The following NELL1 variants were observed in gnomAD, a reference collection of about 807,000 sequenced individuals.
The protein encoded by NELL1 is neural EGFL like 1.
A neutral mutation model predicts 107.4 loss-of-function variants in NELL1; 76 were observed. That is an observed-to-expected ratio of 0.71 (90% CI 0.59 to 0.86). The LOEUF is 0.86. Among genes scored for constraint, NELL1 ranks in the 40% least tolerant of loss-of-function variants. The probability of loss-of-function intolerance (pLI) is 0.00; values close to 1 mark genes in which losing one functional copy is unlikely to be tolerated. For synonymous variants in NELL1, 353 were observed against 341.2 expected (o/e 1.03, Z -0.38); for missense variants, 1,024 against 1,005.5 (o/e 1.02, Z -0.25).
At chr11:20,851,567 C>T (rs1220372699) in intron 4 of NELL1, among the ~76,000 whole-genome samples, 1 of 152,132 alleles carries the variant, frequency 6.6e-6, no homozygotes, top group Non-Finnish European at 1.5e-5. Context: ...CACTTTACAG[C>T]CTGTCTCTAT....
intron 12 of NELL1, among the ~76,000 whole-genome samples, chr11:20,985,711 T>C (rs1348125754): frequency 6.6e-6 from 1 of 152,202 alleles, no homozygotes; most frequent in Non-Finnish European, 1.5e-5. Flanking sequence ...AATAAACCCA[T>C]GCTAGTTTAG....
At chr11:20,698,767 T>C (rs1336684597) in intron 2 of NELL1, among the ~76,000 whole-genome samples, 1 of 152,206 alleles carries the variant, frequency 6.6e-6, no homozygotes, top group Non-Finnish European at 1.5e-5. Flanking sequence ...CTGTACCTAA[T>C]GTGTAGCTTT....
chr11:20,797,680 G>C (rs1055861734), intron 3 of NELL1, among the ~76,000 whole-genome samples: 12 of 152,034 alleles, frequency 7.9e-5, no homozygotes, highest in Admixed American at 2.6e-4. Context: ...CCAATTGAGG[G>C]AAGTTAATTC....
At chr11:20,687,753 A>G (rs1854343844) in intron 2 of NELL1, among the ~76,000 whole-genome samples, 1 of 151,848 alleles carries the variant, frequency 6.6e-6, no homozygotes, top group Non-Finnish European at 1.5e-5. Flanking sequence ...TACCACACCC[A>G]GCTAATTTTT....
chr11:20,690,448 T>A (rs1400992538), intron 2 of NELL1, among the ~76,000 whole-genome samples: 2 of 152,138 alleles, frequency 1.3e-5, no homozygotes, highest in Non-Finnish European at 2.9e-5. Flanking sequence ...CCATCTTGAA[T>A]TAATTTTTGT....
At chr11:20,914,681 A>G (rs1177226685) in intron 5 of NELL1, among the ~76,000 whole-genome samples, 1 of 152,082 alleles carries the variant, frequency 6.6e-6, no homozygotes, top group Non-Finnish European at 1.5e-5. Flanking sequence ...GGGTTCATTC[A>G]GATGGTTGGG....
intron 14 of NELL1, among the ~76,000 whole-genome samples, chr11:21,239,309 T>C (rs1858289353): frequency 6.6e-6 from 1 of 152,096 alleles, no homozygotes; most frequent in Non-Finnish European, 1.5e-5. Context: ...ATATGTTGTA[T>C]ACATTACTAT....
intron 15 of NELL1, among the ~76,000 whole-genome samples, chr11:21,503,723 CTCAG>C (rs1326812573): frequency 6.6e-6 from 1 of 152,092 alleles, no homozygotes; most frequent in Non-Finnish European, 1.5e-5. Flanking sequence ...AGAGGCTATT[CTCAG>C]TCAGCAAGAC....
intron 3 of NELL1, among the ~76,000 whole-genome samples, chr11:20,842,368 G>A (rs1440411014): frequency 1.0e-4 from 14 of 137,130 alleles, no homozygotes; most frequent in Admixed American, 3.9e-4. Flanking sequence ...GTGAGACTCC[G>A]TTTAAAAAAA....
intron 12 of NELL1, among the ~76,000 whole-genome samples, chr11:20,976,123 TTATGTATACACATGTACACACATGTA>T (rs529838709): frequency 0.13 from 17,898 of 141,624 alleles, 2,269 homozygotes; most frequent in Middle Eastern, 0.2. Context: ...CATATATGTA[TTATGTATACACATGTACACACATGTA>T]TATATATACA....
At chr11:20,764,955 G>A (rs1326359354) in intron 2 of NELL1, among the ~76,000 whole-genome samples, 2 of 151,966 alleles carry the variant, frequency 1.3e-5, no homozygotes, top group African/African-American at 2.4e-5. Flanking sequence ...TGAGGTCAGG[G>A]GTTCAACACC....
chr11:21,538,963 T>G (rs183688296), intron 16 of NELL1, among the ~76,000 whole-genome samples: 6 of 152,268 alleles, frequency 3.9e-5, no homozygotes, highest in Admixed American at 2.0e-4. Context: ...TCCTGCATTC[T>G]CTTTCCTCTA....
intron 13 of NELL1, among the ~76,000 whole-genome samples, chr11:21,174,156 G>T (rs1407354443): frequency 6.6e-6 from 1 of 151,598 alleles, no homozygotes; most frequent in African/African-American, 2.4e-5. Flanking sequence ...GTGTAGAGTG[G>T]TCATATATTT....
intron 13 of NELL1, among the ~76,000 whole-genome samples, chr11:21,127,868 CAT>C (rs1164552560): frequency 6.6e-6 from 1 of 152,178 alleles, no homozygotes; most frequent in Non-Finnish European, 1.5e-5. Flanking sequence ...AATATTCTCT[CAT>C]ATGGACATCT....
chr11:21,440,843 G>T (rs1191490038), intron 15 of NELL1, among the ~76,000 whole-genome samples: 1 of 152,046 alleles, frequency 6.6e-6, no homozygotes, highest in South Asian at 2.1e-4. Context: ...TTTGCAGAGT[G>T]CTAGAATGCC....
chr11:21,332,843 A>G (rs1850302668), intron 14 of NELL1, among the ~76,000 whole-genome samples: 1 of 151,924 alleles, frequency 6.6e-6, no homozygotes, highest in Admixed American at 6.6e-5. Flanking sequence ...TTTTCCTAGA[A>G]TTTCTTTCAT....
chr11:20,826,826 C>T (rs1221757167), intron 3 of NELL1, among the ~76,000 whole-genome samples: 3 of 151,088 alleles, frequency 2.0e-5, no homozygotes, highest in Non-Finnish European at 4.4e-5. Flanking sequence ...AAGACCTTTG[C>T]ATGGAGGAGT....
chr11:21,061,227 G>A (rs1278064829), intron 12 of NELL1, among the ~76,000 whole-genome samples: 1 of 152,210 alleles, frequency 6.6e-6, no homozygotes, highest in Non-Finnish European at 1.5e-5. Context: ...GAGCCAGACA[G>A]TAGGCAAACA....
At chr11:21,281,926 T>C (rs545679605) in intron 14 of NELL1, among the ~76,000 whole-genome samples, 1 of 152,314 alleles carries the variant, frequency 6.6e-6, no homozygotes, top group South Asian at 2.1e-4. Flanking sequence ...CTCCTGGATA[T>C]TTGCCTGGGC....
Sources: allele counts gnomAD v4.1 joint callset (sites outside exome capture counted in the v4.1 genomes callset), GRCh38; gene constraint gnomAD v4.1.1; transcripts MANE v1.5; gene names NCBI Gene and HGNC (gene_info 2026-07-23, HGNC 2026-07-21).